The following DDA1 variants were observed in gnomAD, a reference collection of about 807,000 sequenced individuals.
The protein encoded by DDA1 is DET1- and DDB1-associated protein 1.
In DDA1, 3 loss-of-function variants were observed where a neutral mutation model predicts 18.6. The ratio of observed to expected loss-of-function variants is 0.16; its 90% CI spans 0.07 to 0.42. The LOEUF is 0.42. Ranked by LOEUF, DDA1 falls within the 10% of genes least tolerant of loss-of-function variation. The pLI, the probability that DDA1 is intolerant of heterozygous loss-of-function variation, is 0.99. For missense variants in DDA1, 105 were observed against 138.2 expected, an observed-to-expected ratio of 0.76 and a Z score of 1.20; for synonymous variants, 52 against 54.0, an observed-to-expected ratio of 0.96 and a Z score of 0.17.
intron 1 of DDA1, 113 bp downstream of exon 1, chr19:17,309,770 G>A: frequency 1.5e-6 from 2 of 1,376,890 alleles, no homozygotes; most frequent in Non-Finnish European, 2.0e-6. Flanking sequence ...GGTCCCCTCA[G>A]GTCCGGCCCG....
In DDA1 at chr19:17,314,460, C is replaced by G; in HGVS notation, c.136+71C>G. On this transcript the variant is annotated intron_variant, in intron 3 of 4. Transcript: ENST00000359866. This position sits in a 1 kb window ranked among gnomAD's most constrained non-coding sequence, Gnocchi z 4.6. ...GGGGTTTGGTGACTGCAGCGTGGCA[C>G]GCGGAGGTTATCTTCAACCCCGGCC... 6.3e-7 allele frequency: 1 copy of G among 1,594,234 alleles called. No homozygotes were observed.
Position 17,319,748 on chromosome 19 carries a change from T to TGTGTAAGCA in DDA1, c.*92_*93insGTGTAAGCA. The TGTGTAAGCA allele has an allele frequency of 9.1e-7, 1 of 1,103,346 alleles. No homozygotes were observed. The highest frequency in any genetic ancestry group is 1.4e-5 in the South Asian group (1 of 69,374). 68.3% of individuals were successfully genotyped at this position (1,103,346 alleles called of 1,614,324 possible). ...TGTGTAAGCACCCCGCCCGCCCGCCTCCCTGCCGGCCCATCCACACCCTGC... is the reference window on the plus strand; with the variant it reads ...TGTGTAAGCACCCCGCCCGCCCGCCTGTGTAAGCACCCTGCCGGCCCATCCACACCCTGC... On this transcript the variant is annotated 3_prime_UTR_variant, in exon 5 of 5. Coordinates refer to ENST00000359866, the MANE Select transcript of DDA1 (RefSeq NM_024050.6).
intron 4 of DDA1, among the ~76,000 whole-genome samples, chr19:17,319,186 G>A (rs1407278537): frequency 6.6e-6 from 1 of 152,164 alleles, no homozygotes; most frequent in East Asian, 1.9e-4. Flanking sequence ...ACCAGGCATG[G>A]GTCCAGAAAG....
rs539940886 is a variant in DDA1 at position 17,321,936 on chromosome 19, C to T, written c.*2280C>T. The T allele has an allele frequency of 5.9e-5, 9 of 152,754 alleles. No homozygotes were observed. The highest frequency in any genetic ancestry group is 3.9e-4 in the Admixed American group (6 of 15,318). 9.5% of individuals were successfully genotyped at this position (152,754 alleles called of 1,614,324 possible). A position where few individuals can be genotyped will look rare whatever the true frequency, so the allele number is the denominator to read the frequency against. On this transcript the variant is annotated 3_prime_UTR_variant, in exon 5 of 5. Transcript: ENST00000359866. ...GATGGTGCCGGGTCCGGCTGAATGCCCTGGAGGCTCCCAGGCCAGCTGGGG... is the reference window on the plus strand; with the variant it reads ...GATGGTGCCGGGTCCGGCTGAATGCTCTGGAGGCTCCCAGGCCAGCTGGGG...
chr19:17,313,023 C>A (rs1342691961), intron 1 of DDA1, among the ~76,000 whole-genome samples: 1 of 152,154 alleles, frequency 6.6e-6, no homozygotes, highest in Non-Finnish European at 1.5e-5. Context: ...CTGTTCCTGC[C>A]TGTCCCAGAG....
In DDA1 at chr19:17,320,011, C is replaced by G; in HGVS notation, c.*355C>G. On this transcript the variant is annotated 3_prime_UTR_variant, in exon 5 of 5. Transcript: ENST00000359866. ...AACCAGAGTGTGTCTGTGAGAGTCT[C>G]TAGCGGGGGCTTTACTGTGGCCGGG... is the stretch of plus-strand genomic sequence containing the variant. The G allele has an allele frequency of 4.8e-6, 1 of 207,998 alleles. No homozygotes were observed. Among genetic ancestry groups the G allele is most frequent in the South Asian group, 7.2e-5 (1 of 13,814 alleles). 12.9% of individuals were successfully genotyped at this position (207,998 alleles called of 1,614,324 possible). A position where few individuals can be genotyped will look rare whatever the true frequency, so the allele number is the denominator to read the frequency against.
chr19:17,316,134 A>G, intron 4 of DDA1, 139 bp downstream of exon 4: 1 of 934,664 alleles, frequency 1.1e-6, no homozygotes, highest in African/African-American at 1.6e-5. Flanking sequence ...TGGGCGATCC[A>G]GGAGAGGGAA....
chr19:17,310,700 G>T (rs2074174947), intron 1 of DDA1, among the ~76,000 whole-genome samples: 1 of 152,162 alleles, frequency 6.6e-6, no homozygotes, highest in Non-Finnish European at 1.5e-5. Flanking sequence ...TGGGAAGGTG[G>T]GTTCCTAGTG....
chr19:17,321,969 G>T lies in DDA1; in HGVS notation c.*2313G>T, dbSNP rs2074242271. The T allele has an allele frequency of 6.6e-6, 1 of 152,388 alleles. No homozygotes were observed. The allele number at this position is 152,388 out of a possible 1,614,324, so 9.4% of individuals were successfully genotyped here. ...CTCCCAGGCCAGCTGGGGAGTCCCA[G>T]TCCCCAGGGTTGGTGTGACCTGGGC... On this transcript the variant is annotated 3_prime_UTR_variant, in exon 5 of 5. Transcript: ENST00000359866.
rs530617680 is a variant in DDA1, at chr19:17,311,557, C to T, written c.3+1900C>T. Among the ~76,000 whole-genome samples the T allele has an allele frequency of 6.9e-4, 105 of 152,284 alleles. 1 individual carries two copies. The South Asian group carries it at 0.021, about 30-fold the overall frequency. On this transcript the variant is annotated intron_variant, in intron 1 of 4. Transcript: ENST00000359866. ...CCCTCCTCACCCTGAGGCCCCTGGC[C>T]ACCTCTATGACCTTATCTCCACTCT... is the stretch of plus-strand genomic sequence containing the variant.
At chr19:17,310,069 C>G in intron 1 of DDA1, 2 of 211,864 alleles carry the variant, frequency 9.4e-6, no homozygotes, top group Non-Finnish European at 1.9e-5. Context: ...GGCTTGGCAC[C>G]GCGATATGCA....
At chr19:17,313,536 G>A (rs534318571) in intron 1 of DDA1, among the ~76,000 whole-genome samples, 12 of 140,308 alleles carry the variant, frequency 8.6e-5, no homozygotes, top group Admixed American at 3.1e-4. Flanking sequence ...TCTGCCTCCC[G>A]AGTTCAAGCG....
chr19:17,318,949 G>A (rs1284731718), intron 4 of DDA1, among the ~76,000 whole-genome samples: 1 of 152,030 alleles, frequency 6.6e-6, no homozygotes, highest in East Asian at 1.9e-4. Context: ...CCAAGCTGCT[G>A]GGCCCACCCC....
chr19:17,319,707 A>G lies in DDA1; in HGVS notation c.*51A>G. 1 of 1,503,340 alleles carries G rather than the reference A, an allele frequency of 6.7e-7. No individual in the cohort carries two copies. The highest frequency in any genetic ancestry group is 9.0e-7 in the Non-Finnish European group (1 of 1,114,148). The allele number at this position is 1,503,340 out of a possible 1,614,324, so 93.1% of individuals were successfully genotyped here. On this transcript the variant is annotated 3_prime_UTR_variant, in exon 5 of 5. Coordinates refer to ENST00000359866, the MANE Select transcript of DDA1 (RefSeq NM_024050.6). ...TGCCAGGTCTGCTCCTCGGTCGCCC[A>G]CCCGCCTGCCCGCCATGTGTAAGCA... is the stretch of plus-strand genomic sequence containing the variant.
rs185042478 is a variant in DDA1, at chr19:17,319,259, C to A, written c.199-287C>A. Among the ~76,000 whole-genome samples, 1,371 of 152,266 alleles carry A rather than the reference C, an allele frequency of 9.0e-3. 6 individuals carry two copies. The highest frequency in any genetic ancestry group is 0.012 in the Non-Finnish European group (842 of 68,028). On this transcript the variant is annotated intron_variant, in intron 4 of 4. Transcript: ENST00000359866. Reference sequence around the variant, plus strand: ...TAGGAGGGGCTGCCTAGCCAGGGACCCTGGGGCCCCCCACTGTACTCCAGG... The same window carrying A: ...TAGGAGGGGCTGCCTAGCCAGGGACACTGGGGCCCCCCACTGTACTCCAGG...
At chr19:17,318,669 CT>C (rs953541691) in intron 4 of DDA1, among the ~76,000 whole-genome samples, 103 of 141,054 alleles carry the variant, frequency 7.3e-4, no homozygotes, top group Admixed American at 7.1e-4. Context: ...GCCTGGCCTT[CT>C]TTTTTTTTTT....
chr19:17,319,836 G>A lies in DDA1; in HGVS notation c.*180G>A. On this transcript the variant is annotated 3_prime_UTR_variant, in exon 5 of 5. Transcript: ENST00000359866. The stretch of plus-strand genomic sequence containing the variant: ...TTATTTTCCTTGAGTTTTTATTTAT[G>A]CTGTAACCTGTATCAAGCGTTGGTT... 1.7e-6 allele frequency: 1 copy of A among 586,756 alleles called. No homozygotes were observed. The highest frequency in any genetic ancestry group is 3.0e-6 in the Non-Finnish European group (1 of 330,394). The allele number at this position is 586,756 out of a possible 1,614,324, so 36.3% of individuals were successfully genotyped here.
intron 4 of DDA1, among the ~76,000 whole-genome samples, chr19:17,317,591 TGA>T (rs1398595637): frequency 1.4e-5 from 2 of 148,072 alleles, no homozygotes; most frequent in Non-Finnish European, 3.0e-5. Context: ...CGGAACTGCC[TGA>T]GAGGCTGACG....
intron 1 of DDA1, among the ~76,000 whole-genome samples, chr19:17,311,182 T>G (rs2074177147): frequency 6.6e-6 from 1 of 151,450 alleles, no homozygotes; most frequent in Non-Finnish European, 1.5e-5. Context: ...TTTTTTTCTT[T>G]TGAGATGGAG....
Sources: allele counts gnomAD v4.1 joint callset (sites outside exome capture counted in the v4.1 genomes callset), GRCh38; gene constraint gnomAD v4.1.1; non-coding constraint Gnocchi (gnomAD v3.1); transcripts MANE v1.5; gene names NCBI Gene and HGNC (gene_info 2026-07-23, HGNC 2026-07-21).